The following SCAPER variants were observed in gnomAD, a reference collection of about 807,000 sequenced individuals.
SCAPER encodes the protein S phase cyclin A-associated protein in the endoplasmic reticulum.
Under a neutral mutation model 182.2 loss-of-function variants are expected in SCAPER, and 98 were observed. That is an observed-to-expected ratio of 0.54 (90% CI 0.46 to 0.64). The LOEUF (loss-of-function observed/expected upper bound fraction) is 0.64. SCAPER is among the 30% of genes least tolerant of loss of function. The pLI, the probability that SCAPER is intolerant of heterozygous loss-of-function variation, is 0.00. For missense variants in SCAPER, 1,432 were observed against 1,690.0 expected (o/e 0.85, Z 2.68); for synonymous variants, 605 against 564.6 (o/e 1.07, Z -1.01).
At chr15:76,444,124 AT>A (rs1367434643) in intron 25 of SCAPER, among the ~76,000 whole-genome samples, 1 of 152,226 alleles carries the variant, frequency 6.6e-6, no homozygotes, top group Non-Finnish European at 1.5e-5. Context: ...ACTCCTGCTT[AT>A]TCTCATCAAA....
intron 22 of SCAPER, among the ~76,000 whole-genome samples, chr15:76,609,807 T>C (rs778074576): frequency 4.2e-4 from 64 of 152,360 alleles, no homozygotes; most frequent in Admixed American, 7.8e-4. Flanking sequence ...AAATGTTCTA[T>C]AATTCTATGA....
intron 24 of SCAPER, among the ~76,000 whole-genome samples, chr15:76,473,297 T>A (rs1429964154): frequency 1.3e-5 from 2 of 152,234 alleles, no homozygotes; most frequent in African/African-American, 4.8e-5. Context: ...TTAACGATTA[T>A]CTGCCCATGT....
chr15:76,582,508 T>C (rs985610855), intron 22 of SCAPER, among the ~76,000 whole-genome samples: 15 of 152,234 alleles, frequency 9.9e-5, no homozygotes, highest in African/African-American at 3.4e-4. Context: ...AAAATGTCTA[T>C]ATTATATGAA....
chr15:76,421,926 A>G (rs1346976925), intron 26 of SCAPER, among the ~76,000 whole-genome samples: 3 of 152,122 alleles, frequency 2.0e-5, no homozygotes, highest in Non-Finnish European at 2.9e-5. Flanking sequence ...AAGATCAGAT[A>G]GTTGTAGATG....
intron 21 of SCAPER, among the ~76,000 whole-genome samples, chr15:76,634,223 G>C (rs537731009): frequency 6.6e-6 from 1 of 152,298 alleles, no homozygotes; most frequent in Non-Finnish European, 1.5e-5. Flanking sequence ...CCTTGCCTGG[G>C]GGAGGGAGCT....
chr15:76,366,091 ACAC>A (rs2041798296), intron 29 of SCAPER, among the ~76,000 whole-genome samples: 2 of 18,220 alleles, frequency 1.1e-4, no homozygotes, highest in African/African-American at 1.4e-4. Context: ...ACACTTACAC[ACAC>A]ACACACACAC....
In SCAPER at chr15:76,550,965, T is replaced by A. The variant is rs536904224; in HGVS notation, c.2838+23193A>T. Among the ~76,000 whole-genome samples, 3 of 152,082 alleles carry A rather than the reference T, an allele frequency of 2.0e-5. No individual in the cohort carries two copies. In the East Asian group the frequency reaches 5.8e-4, roughly 29 times the overall value. On this transcript the variant is annotated intron_variant, in intron 23 of 31. Coordinates refer to ENST00000563290, the MANE Select transcript of SCAPER (RefSeq NM_020843.4). ...AGGTATATAAAAAAAATTCTCAACA[T>A]CACTAATCATCAGGGAAATGCAATC...
In SCAPER at chr15:76,523,760, A is replaced by G. The variant is rs527469413; in HGVS notation, c.2839-18786T>C. On this transcript the variant is annotated intron_variant, in intron 23 of 31. Coordinates refer to ENST00000563290, the MANE Select transcript of SCAPER (RefSeq NM_020843.4). Reference sequence around the variant, plus strand: ...AAAATACATACTTTATATATGAAAAATAACTACTGCAGCATGTTTCCATGT... The same window carrying G: ...AAAATACATACTTTATATATGAAAAGTAACTACTGCAGCATGTTTCCATGT... Among the ~76,000 whole-genome samples the G allele has an allele frequency of 3.9e-5, 6 of 152,236 alleles. No individual in the cohort carries two copies. The East Asian group carries it at 1.2e-3, about 29-fold the overall frequency.
intron 21 of SCAPER, among the ~76,000 whole-genome samples, chr15:76,648,584 C>T (rs1163794992): frequency 6.6e-6 from 1 of 152,092 alleles, no homozygotes; most frequent in Non-Finnish European, 1.5e-5. Flanking sequence ...AGAAGTGTTC[C>T]CAACCTGCCT....
At chr15:76,590,671 G>A (rs1226717229) in intron 22 of SCAPER, among the ~76,000 whole-genome samples, 1 of 152,158 alleles carries the variant, frequency 6.6e-6, no homozygotes, top group Admixed American at 6.5e-5. Context: ...ATTTGATCCA[G>A]CAATCCCACT....
chr15:76,800,475 A>G (rs2065694062), intron 6 of SCAPER, 111 bp from the exon 7 acceptor site: 2 of 718,386 alleles, frequency 2.8e-6, no homozygotes, highest in Non-Finnish European at 4.8e-6. Flanking sequence ...TTTCAACAAC[A>G]ACAACAAAAA....
At chr15:76,785,296 C>T (rs898862418) in intron 8 of SCAPER, among the ~76,000 whole-genome samples, 3 of 152,206 alleles carry the variant, frequency 2.0e-5, no homozygotes, top group Admixed American at 6.5e-5. Context: ...CATCACTGAT[C>T]ATCAGAGAAA....
At chr15:76,811,757 C>T (rs2066639420) in intron 5 of SCAPER, among the ~76,000 whole-genome samples, 1 of 151,348 alleles carries the variant, frequency 6.6e-6, no homozygotes, top group Non-Finnish European at 1.5e-5. Flanking sequence ...CATTGCACTC[C>T]AGCCTGGGCA....
intron 23 of SCAPER, among the ~76,000 whole-genome samples, chr15:76,557,435 T>C (rs752286166): frequency 2.0e-4 from 31 of 152,290 alleles, no homozygotes; most frequent in Non-Finnish European, 4.1e-4. Flanking sequence ...TAATCCCCAG[T>C]GCTGGAGGTG....
Position 76,719,414 on chromosome 15 carries a change from G to A in SCAPER, c.2165+9181C>T, listed in dbSNP as rs547719828. 2.0e-5 allele frequency among the ~76,000 whole-genome samples: 3 copies of A among 152,258 alleles called. No individual in the cohort carries two copies. In the South Asian group the frequency reaches 6.2e-4, roughly 32 times the overall value. ...AAGAGGGAGAGGGCAGAAAAGAGGA[G>A]ACGTAGATCAGAGGATACAAAACTG... On this transcript the variant is annotated intron_variant, in intron 17 of 31. Coordinates refer to ENST00000563290, the MANE Select transcript of SCAPER (RefSeq NM_020843.4).
At chr15:76,496,234 T>G (rs1248812930) in intron 24 of SCAPER, among the ~76,000 whole-genome samples, 1 of 151,922 alleles carries the variant, frequency 6.6e-6, no homozygotes, top group East Asian at 1.9e-4. Flanking sequence ...AACCTTTTTT[T>G]TTTTAATTAA....
chr15:76,622,182 G>T (rs938251217), intron 21 of SCAPER, among the ~76,000 whole-genome samples: 10 of 152,130 alleles, frequency 6.6e-5, no homozygotes, highest in African/African-American at 1.9e-4. Context: ...GCTCCGGCTT[G>T]CCTAAACTAG....
At chr15:76,890,917 CAATAG>C (rs2074127668) in intron 1 of SCAPER, among the ~76,000 whole-genome samples, 1 of 152,184 alleles carries the variant, frequency 6.6e-6, no homozygotes, top group Non-Finnish European at 1.5e-5. Flanking sequence ...CAAAAATCCT[CAATAG>C]AATACTGGCA....
At chr15:76,440,512 T>C (rs1263743181) in intron 25 of SCAPER, among the ~76,000 whole-genome samples, 1 of 152,178 alleles carries the variant, frequency 6.6e-6, no homozygotes, top group African/African-American at 2.4e-5. Flanking sequence ...ATTCTGAAGA[T>C]AGGTTTACAT....
Sources: gnomAD v4.1 joint callset for allele counts (sites outside exome capture counted in the v4.1 genomes callset) on GRCh38, gnomAD v4.1.1 for gene constraint, MANE v1.5 for transcripts, NCBI Gene and HGNC (gene_info 2026-07-23, HGNC 2026-07-21) for gene names.